ANKRD30B: variants seen among roughly 807,000 people sequenced by gnomAD.
ANKRD30B encodes ankyrin repeat domain-containing protein 30B.
A neutral mutation model predicts 202.2 loss-of-function variants in ANKRD30B; 144 were observed. The observed-to-expected ratio is 0.71, with a 90% confidence interval of 0.62 to 0.82. The LOEUF is 0.82. Ranked by LOEUF, ANKRD30B falls within the 40% of genes least tolerant of loss-of-function variation. The pLI is 0.00. For synonymous variants in ANKRD30B, 508 were observed against 561.3 expected (o/e 0.91, Z 1.34); for missense variants, 1,487 against 1,669.1 (o/e 0.89, Z 1.90).
chr18:14,804,718 G>A (rs567642839), intron 24 of ANKRD30B, among the ~76,000 whole-genome samples: 2 of 150,692 alleles, frequency 1.3e-5, no homozygotes, highest in Non-Finnish European at 3.0e-5. Flanking sequence ...AAGAAGAAAG[G>A]GGCAATGGAA....
the ANKRD30B span, among the ~76,000 whole-genome samples, chr18:14,889,063 G>A: frequency 1.7e-4 from 25 of 151,314 alleles, no homozygotes; most frequent in Non-Finnish European, 2.8e-4. Flanking sequence ...CTATACTTAT[G>A]TAGTATATTT....
At chr18:14,782,410 C>T in intron 11 of ANKRD30B, 117 bp from the exon 12 acceptor site, 1 of 744,780 alleles carries the variant, frequency 1.3e-6, no homozygotes, top group Non-Finnish European at 2.1e-6. Flanking sequence ...TGTGCCTATC[C>T]TCAAATCAAA....
chr18:14,870,502 C>T, the ANKRD30B span, among the ~76,000 whole-genome samples: 2 of 152,168 alleles, frequency 1.3e-5, no homozygotes, highest in Middle Eastern at 3.2e-3. Flanking sequence ...GAAGCTGAAG[C>T]TGATGGCCTC....
At position 14,778,069 on chromosome 18, in the gene ANKRD30B, A is replaced by G; in HGVS notation, c.1414A>G (p.Ile472Val). The G allele has an allele frequency of 1.3e-6, 2 of 1,538,808 alleles. No homozygotes were observed. Among genetic ancestry groups the G allele is most frequent in the South Asian group, 1.2e-5 (1 of 83,584 alleles). Residue 472 changes from isoleucine to valine, a missense_variant, in exon 10 of 44, where the codon ATA (isoleucine) becomes GTA (valine). By Grantham distance (29) the Ile-to-Val change is conservative. Transcript: ENST00000690538. ...QKDIKTINHK[I>V]EDQMFPSESK... ...AGATATCAAAACAATAAATCACAAAATAGAAGGTAAGAACCATTTTTTATT... is the reference window on the plus strand; with the variant it reads ...AGATATCAAAACAATAAATCACAAAGTAGAAGGTAAGAACCATTTTTTATT...
intron 16 of ANKRD30B, among the ~76,000 whole-genome samples, chr18:14,793,419 A>G (rs1239516042): frequency 1.3e-5 from 2 of 152,180 alleles, no homozygotes; most frequent in South Asian, 4.1e-4. Flanking sequence ...TTTTGCATTT[A>G]TTTTCTCAGT....
chr18:14,926,032 A>G, the ANKRD30B span, among the ~76,000 whole-genome samples: 1 of 152,224 alleles, frequency 6.6e-6, no homozygotes, highest in Non-Finnish European at 1.5e-5. Context: ...TTTAAAAGTC[A>G]AAAGATATTA....
At chr18:14,862,818 C>T in the ANKRD30B span, among the ~76,000 whole-genome samples, 1 of 152,240 alleles carries the variant, frequency 6.6e-6, no homozygotes, top group African/African-American at 2.4e-5. Context: ...GTCTTGGGAA[C>T]CCACCCCTTG....
In ANKRD30B at chr18:14,748,469, C is replaced by T. The variant is rs1197931534; in HGVS notation, c.50C>T (p.Pro17Leu). 5.2e-6 allele frequency: 8 copies of T among 1,543,848 alleles called. No individual in the cohort carries two copies. Among genetic ancestry groups the T allele is most frequent in the Admixed American group, 2.0e-5 (1 of 50,156 alleles). Reference protein sequence around the residue: ...AAGKGVRGPEPPNPFSERVYT... With the variant: ...AAGKGVRGPELPNPFSERVYT... ...GGCAAGGGCGTGCGGGGCCCGGAGC[C>T]CCCGAACCCCTTCAGCGAACGGGTC... Residue 17 changes from proline to leucine, a missense_variant, in exon 1 of 44, where the codon CCC becomes CTC. Pro to Leu is a moderately conservative substitution (Grantham distance 98). Coordinates refer to ENST00000690538, the MANE Select transcript of ANKRD30B (RefSeq NM_001367607.2).
At chr18:14,911,103 G>A in the ANKRD30B span, among the ~76,000 whole-genome samples, 1 of 151,876 alleles carries the variant, frequency 6.6e-6, no homozygotes, top group Non-Finnish European at 1.5e-5. Flanking sequence ...TTATTTTGCT[G>A]TGCAGAAGCT....
intron 4 of ANKRD30B, among the ~76,000 whole-genome samples, chr18:14,755,722 AG>A (rs1488927632): frequency 1.3e-5 from 2 of 152,206 alleles, no homozygotes; most frequent in African/African-American, 2.4e-5. Flanking sequence ...GTTCCTACAA[AG>A]GACATGAACT....
the ANKRD30B span, among the ~76,000 whole-genome samples, chr18:14,896,142 T>C: frequency 6.6e-6 from 1 of 151,990 alleles, no homozygotes; most frequent in East Asian, 1.9e-4. Context: ...GCTCATTTTT[T>C]TTTTTTTTTG....
chr18:14,840,161 T>C (rs1353801114), intron 36 of ANKRD30B, among the ~76,000 whole-genome samples: 1 of 152,244 alleles, frequency 6.6e-6, no homozygotes, highest in Non-Finnish European at 1.5e-5. Context: ...TTAAATCTAA[T>C]TGCCTTTAAA....
At position 14,763,926 on chromosome 18, in the gene ANKRD30B, C is replaced by G; in HGVS notation, c.1061C>G (p.Ala354Gly). 3 of 1,610,226 alleles carry G rather than the reference C, an allele frequency of 1.9e-6. No homozygotes were observed. The South Asian group carries it at 3.3e-5, about 18-fold the overall frequency. ...ACATCTGAGAAATTTTCATGGCCAGCAAAAGAAAGATCTAGGAAGATCACA... is the reference window on the plus strand; with the variant it reads ...ACATCTGAGAAATTTTCATGGCCAGGAAAAGAAAGATCTAGGAAGATCACA... ...KETSEKFSWP[A>G]KERSRKITWE... The change falls in exon 7 of 44, where the codon GCA (alanine) becomes GGA (glycine). Residue 354 changes from alanine to glycine, a missense_variant. Physicochemically the swap from Ala to Gly is moderately conservative, Grantham distance 60. This residue lies in a region of ANKRD30B where 889 missense variants were observed against 841.4 expected (regional missense o/e 1.06). Transcript: ENST00000690538.
intron 30 of ANKRD30B, among the ~76,000 whole-genome samples, chr18:14,820,848 G>A (rs1044288271): frequency 1.3e-5 from 2 of 152,124 alleles, no homozygotes; most frequent in African/African-American, 2.4e-5. Context: ...TCTCTGCCCG[G>A]CTTTGGTATC....
chr18:14,865,119 C>G, the ANKRD30B span, among the ~76,000 whole-genome samples: 1 of 151,980 alleles, frequency 6.6e-6, no homozygotes, highest in Non-Finnish European at 1.5e-5. Flanking sequence ...CCTCTTCTCC[C>G]CCTCCATCTA....
Position 14,807,336 on chromosome 18 carries a change from A to G in ANKRD30B, c.2285-1215A>G, listed in dbSNP as rs189303034. On this transcript the variant is annotated intron_variant, in intron 24 of 43. Transcript: ENST00000690538. Reference sequence around the variant, plus strand: ...CTAAGCTTTCTATAAAAGCTTTTTCATAACAGTGGTTTAACAACTCGCATG... The same window carrying G: ...CTAAGCTTTCTATAAAAGCTTTTTCGTAACAGTGGTTTAACAACTCGCATG... Among the ~76,000 whole-genome samples the G allele has an allele frequency of 2.3e-4, 34 of 151,110 alleles. No homozygotes were observed. In the East Asian group the frequency reaches 5.6e-3, roughly 25 times the overall value.
intron 30 of ANKRD30B, among the ~76,000 whole-genome samples, chr18:14,819,491 T>C (rs1970297312): frequency 6.6e-6 from 1 of 151,972 alleles, no homozygotes; most frequent in Non-Finnish European, 1.5e-5. Flanking sequence ...TTTTTATGGT[T>C]TTAGGTCTAA....
chr18:14,839,551 T>A (rs1971326031), intron 36 of ANKRD30B, among the ~76,000 whole-genome samples: 1 of 152,356 alleles, frequency 6.6e-6, no homozygotes, highest in Non-Finnish European at 1.5e-5. Flanking sequence ...GTCTGGCATA[T>A]GTTAGATGTT....
chr18:14,752,687 A>C lies in ANKRD30B; in HGVS notation c.336+7A>C. 15 of 1,592,376 alleles carry C rather than the reference A, an allele frequency of 9.4e-6. No individual in the cohort carries two copies. The highest frequency in any genetic ancestry group is 1.3e-5 in the Non-Finnish European group (15 of 1,167,274). ...GAGGACACCTCTGATGAAGGTAAAT[A>C]GTAGCCAGTTTTTTCAGCGGGAGAT... On this transcript the variant is annotated splice_region_variant and intron_variant, in intron 2 of 43. Transcript: ENST00000690538.
Sources: allele counts gnomAD v4.1 joint callset (sites outside exome capture counted in the v4.1 genomes callset), GRCh38; gene constraint gnomAD v4.1.1; regional missense constraint gnomAD v4.1.1; transcripts MANE v1.5; gene names NCBI Gene and HGNC (gene_info 2026-07-23, HGNC 2026-07-21).